DNAH7: variants seen among roughly 807,000 people sequenced by gnomAD.
DNAH7 encodes dynein axonemal heavy chain 7.
A neutral mutation model predicts 444.6 loss-of-function variants in DNAH7; 397 were observed. That is an observed-to-expected ratio of 0.89 (90% CI 0.82 to 0.97). The LOEUF (loss-of-function observed/expected upper bound fraction) is 0.97, where lower values mean the gene tolerates loss of function less well. Among genes scored for constraint, DNAH7 ranks in the 50% least tolerant of loss-of-function variants. The pLI, the probability that DNAH7 is intolerant of heterozygous loss-of-function variation, is 0.00. For synonymous variants in DNAH7, 1,636 were observed against 1,624.4 expected (o/e 1.01, Z -0.17); for missense variants, 4,902 against 4,800.8 (o/e 1.02, Z -0.62).
intron 54 of DNAH7, among the ~76,000 whole-genome samples, chr2:195,801,592 T>C (rs2106006847): frequency 6.6e-6 from 1 of 152,282 alleles, no homozygotes; most frequent in Admixed American, 6.5e-5. Flanking sequence ...CACTGCACTA[T>C]GTAGACAATT....
rs774760899 is a variant in DNAH7, at chr2:195,808,690, C to T, written c.10075G>A (p.Asp3359Asn). The change falls in exon 53 of 65, where the codon GAT (aspartate) becomes AAT (asparagine). Residue 3359 changes from aspartate to asparagine, a missense_variant. Asp to Asn is a conservative substitution (Grantham distance 23). Coordinates refer to ENST00000312428, the MANE Select transcript of DNAH7 (RefSeq NM_018897.3). The stretch of plus-strand genomic sequence containing the variant: ...AGAGGGTTAAAACATACCAAACTAT[C>T]ATATACTTTCTTCCATCCATCCTTT... ...RLKDGWKKVY[D>N]SLEPHHEVFP... 16 of 1,613,734 alleles carry T rather than the reference C, an allele frequency of 9.9e-6. No homozygotes were observed. In the South Asian group the frequency reaches 1.8e-4, roughly 18 times the overall value.
rs540536994 is a variant in DNAH7 at position 195,832,319 on chromosome 2, T to G, written c.9100+1887A>C. 3.9e-5 allele frequency among the ~76,000 whole-genome samples: 6 copies of G among 152,354 alleles called. No individual in the cohort carries two copies. The East Asian group carries it at 1.2e-3, about 29-fold the overall frequency. On this transcript the variant is annotated intron_variant, in intron 48 of 64. Transcript: ENST00000312428. ...AATCTCCAGAATGTCAAGCATATGG[T>G]AGATGCTCAATTATCATTTAATTGT... is the stretch of plus-strand genomic sequence containing the variant.
rs766897304 is a variant in DNAH7 at position 195,864,201 on chromosome 2, C to T, written c.7454G>A (p.Arg2485His). ...AACAAGAGCAGGGAACTTTCTAAGA[C>T]GATTCCGAAATGCATCTCCAATGGG... is the stretch of plus-strand genomic sequence containing the variant. Reference protein sequence around the residue: ...MSPIGDAFRNRLRKFPALVNC... With the variant: ...MSPIGDAFRNHLRKFPALVNC... The change falls in exon 41 of 65, where the codon CGT becomes CAT. Residue 2485 changes from arginine to histidine, a missense_variant. Arg to His is a conservative substitution (Grantham distance 29, BLOSUM62 0). Coordinates refer to ENST00000312428, the MANE Select transcript of DNAH7 (RefSeq NM_018897.3). The T allele has an allele frequency of 3.3e-5, 54 of 1,614,026 alleles. No individual in the cohort carries two copies. The highest frequency in any genetic ancestry group is 3.3e-4 in the Middle Eastern group (2 of 6,082).
At chr2:195,937,844 A>G (rs979666312) in intron 19 of DNAH7, among the ~76,000 whole-genome samples, 1 of 152,194 alleles carries the variant, frequency 6.6e-6, no homozygotes, top group Non-Finnish European at 1.5e-5. Flanking sequence ...AAAAGGTGCT[A>G]ACACAACAGA....
intron 11 of DNAH7, among the ~76,000 whole-genome samples, chr2:196,001,260 G>C (rs1237165700): frequency 6.6e-6 from 1 of 152,124 alleles, no homozygotes; most frequent in Non-Finnish European, 1.5e-5. Flanking sequence ...GTTACCTCAT[G>C]GTAACTTTCT....
At chr2:195,762,685 T>C (rs1288694536) in intron 61 of DNAH7, among the ~76,000 whole-genome samples, 1 of 152,152 alleles carries the variant, frequency 6.6e-6, no homozygotes, top group Non-Finnish European at 1.5e-5. Context: ...GATATAACAA[T>C]TTTAAATACA....
chr2:195,786,914 A>G, intron 58 of DNAH7, 96 bp downstream of exon 58: 3 of 1,269,082 alleles, frequency 2.4e-6, no homozygotes, highest in Non-Finnish European at 3.2e-6. Flanking sequence ...ATTTCATAAG[A>G]GTAGAAATTA....
chr2:195,910,859 C>G (rs754033186), intron 24 of DNAH7, among the ~76,000 whole-genome samples: 1 of 152,060 alleles, frequency 6.6e-6, no homozygotes, highest in Non-Finnish European at 1.5e-5. Flanking sequence ...ATCCTTCATG[C>G]GGGGCCTGAT....
At chr2:195,897,803 T>A (rs1331640854) in intron 28 of DNAH7, 38 bp from the exon 29 acceptor site, 4 of 1,259,980 alleles carry the variant, frequency 3.2e-6, no homozygotes, top group Admixed American at 4.0e-5. Context: ...GATATCTGCA[T>A]CTCCTAACAG....
intron 9 of DNAH7, among the ~76,000 whole-genome samples, chr2:196,014,462 C>A (rs1000592199): frequency 1.3e-5 from 2 of 152,088 alleles, no homozygotes; most frequent in Non-Finnish European, 2.9e-5. Context: ...TATCTTCCCA[C>A]ATCCAATCAG....
chr2:195,911,567 G>A (rs953385296), intron 24 of DNAH7, among the ~76,000 whole-genome samples: 2 of 152,058 alleles, frequency 1.3e-5, no homozygotes, highest in African/African-American at 4.8e-5. Flanking sequence ...TAACTTTACA[G>A]TGAACATCAA....
At chr2:195,958,014 C>T (rs140794677) in intron 18 of DNAH7, among the ~76,000 whole-genome samples, 2 of 152,162 alleles carry the variant, frequency 1.3e-5, no homozygotes, top group African/African-American at 4.8e-5. Flanking sequence ...AATTTGGGCT[C>T]ATAAAGGCTT....
chr2:195,956,850 G>T (rs1161641002), intron 19 of DNAH7, among the ~76,000 whole-genome samples: 1 of 151,204 alleles, frequency 6.6e-6, no homozygotes, highest in Non-Finnish European at 1.5e-5. Flanking sequence ...CTTTTTTTAG[G>T]TCCCTACCAG....
chr2:195,808,508 G>C (rs916044352), intron 53 of DNAH7, among the ~76,000 whole-genome samples, 174 bp downstream of exon 53: 9 of 152,168 alleles, frequency 5.9e-5, no homozygotes, highest in African/African-American at 2.2e-4. Flanking sequence ...GAGTTTGAAT[G>C]GAAGTTCAAA....
intron 27 of DNAH7, chr2:195,904,620 C>T (rs1686904244): frequency 6.6e-6 from 1 of 152,080 alleles, no homozygotes; most frequent in African/African-American, 2.4e-5. Flanking sequence ...ATGGGGAATT[C>T]ATTATAATGA....
chr2:196,047,468 GC>G lies in DNAH7; in HGVS notation c.281del (p.Gly94AlafsTer46), dbSNP rs1418625978. 1 of 1,595,362 alleles carries G rather than the reference GC, an allele frequency of 6.3e-7. No homozygotes were observed. Among genetic ancestry groups the G allele is most frequent in the East Asian group, 2.3e-5 (1 of 44,444 alleles). On this transcript the variant is annotated frameshift_variant, in exon 5 of 65. Transcript: ENST00000312428. LOFTEE classifies it high-confidence loss of function. Reference protein sequence around the residue: ...AEYMERFGKKGKLPHQVDDSY... With the variant: ...AEYMERFGKKXKLPHQVDDSY... ...TATCATCAACTTGGTGGGGTAATTT[GC>G]CCTTTTTTCCAAAACGTTCCATGTA...
intron 17 of DNAH7, among the ~76,000 whole-genome samples, chr2:195,968,775 C>T (rs879356051): frequency 1.2e-4 from 18 of 152,174 alleles, no homozygotes; most frequent in Admixed American, 3.9e-4. Context: ...CACAGTGGCA[C>T]GGCCTGCTGA....
chr2:195,789,277 A>C (rs2105978091), intron 57 of DNAH7, among the ~76,000 whole-genome samples: 1 of 152,294 alleles, frequency 6.6e-6, no homozygotes, highest in South Asian at 2.1e-4. Context: ...CAAGTATAGC[A>C]ATGAAAATAC....
chr2:195,957,217 C>A, intron 19 of DNAH7, 44 bp downstream of exon 19: 1 of 1,409,488 alleles, frequency 7.1e-7, no homozygotes, highest in South Asian at 1.8e-5. Flanking sequence ...AAAATCATGT[C>A]ACTTCAACCA....
Sources: allele counts gnomAD v4.1 joint callset (sites outside exome capture counted in the v4.1 genomes callset), GRCh38; gene constraint gnomAD v4.1.1; transcripts MANE v1.5; gene names NCBI Gene and HGNC (gene_info 2026-07-23, HGNC 2026-07-21).